The following ADD3 variants were observed in gnomAD, a reference collection of about 807,000 sequenced individuals.
ADD3 encodes adducin 3, also known as gamma-adducin.
Under a neutral mutation model 80.2 loss-of-function variants are expected in ADD3, and 25 were observed. The observed-to-expected ratio is 0.31, with a 90% CI of 0.23 to 0.44. The LOEUF (loss-of-function observed/expected upper bound fraction) is 0.44, where lower values mean the gene tolerates loss of function less well. Among genes scored for constraint, ADD3 ranks in the 20% least tolerant of loss-of-function variants. The probability of loss-of-function intolerance (pLI) is 1.00; values close to 1 mark genes in which losing one functional copy is unlikely to be tolerated. For synonymous variants in ADD3, 284 were observed against 289.6 expected (o/e 0.98, Z 0.20); for missense variants, 829 against 847.5 (o/e 0.98, Z 0.27).
chr10:110,114,106 G>A (rs2134067928), intron 3 of ADD3, among the ~76,000 whole-genome samples: 1 of 152,324 alleles, frequency 6.6e-6, no homozygotes, highest in Admixed American at 6.5e-5. Flanking sequence ...ACCTGGGCCT[G>A]CTGGCTGGAA....
At chr10:110,102,253 T>C (rs1848899751) in intron 2 of ADD3, among the ~76,000 whole-genome samples, 1 of 145,396 alleles carries the variant, frequency 6.9e-6, no homozygotes, top group Non-Finnish European at 1.5e-5. Flanking sequence ...AAGAGCACAT[T>C]AATTATTTAG....
chr10:110,042,458 C>T (rs1856478017), intron 1 of ADD3, among the ~76,000 whole-genome samples: 1 of 152,010 alleles, frequency 6.6e-6, no homozygotes, highest in African/African-American at 2.4e-5. Flanking sequence ...TTAGAGGTGT[C>T]TGGAAGTGTA....
intron 8 of ADD3, among the ~76,000 whole-genome samples, chr10:110,121,461 CA>C (rs1349147179): frequency 2.6e-5 from 4 of 151,804 alleles, no homozygotes; most frequent in Non-Finnish European, 5.9e-5. Flanking sequence ...CCAGCCTGGG[CA>C]ACAAGAGTGA....
chr10:110,033,805 T>A (rs576901111), intron 1 of ADD3, among the ~76,000 whole-genome samples: 1 of 152,322 alleles, frequency 6.6e-6, no homozygotes, highest in South Asian at 2.1e-4. Context: ...ATTTTGAATC[T>A]CTGGGACCGT....
At chr10:110,017,404 C>G (rs1853133672) in intron 1 of ADD3, among the ~76,000 whole-genome samples, 1 of 152,114 alleles carries the variant, frequency 6.6e-6, no homozygotes, top group African/African-American at 2.4e-5. Flanking sequence ...TTGATTTTGT[C>G]TATGTTAACT....
At chr10:110,113,019 A>C in intron 3 of ADD3, 104 bp downstream of exon 3, 3 of 1,191,820 alleles carry the variant, frequency 2.5e-6, no homozygotes, top group Admixed American at 2.2e-5. Flanking sequence ...CCTTAAGTTT[A>C]TAACATCTAA....
chr10:110,109,931 G>T (rs765907192), intron 2 of ADD3, among the ~76,000 whole-genome samples: 1 of 152,122 alleles, frequency 6.6e-6, no homozygotes, highest in African/African-American at 2.4e-5. Context: ...GTATATCTTT[G>T]TAGAGGATAT....
At chr10:110,120,402 A>G (rs112430243) in intron 8 of ADD3, among the ~76,000 whole-genome samples, 19,713 of 150,834 alleles carry the variant, frequency 0.13, 4,149 homozygotes, top group African/African-American at 0.45. Context: ...AAGGACATGA[A>G]CTCATCATTT....
intron 1 of ADD3, among the ~76,000 whole-genome samples, chr10:109,999,289 T>C (rs1851438227): frequency 6.6e-6 from 1 of 152,220 alleles, no homozygotes; most frequent in Non-Finnish European, 1.5e-5. Flanking sequence ...GAGACCTAGG[T>C]TGTGCATTCA....
chr10:110,044,482 C>A (rs55654350), intron 1 of ADD3, among the ~76,000 whole-genome samples: 1,614 of 152,292 alleles, frequency 0.011, 32 homozygotes, highest in African/African-American at 0.038. Flanking sequence ...CAAAATCAGA[C>A]AAGCACTTCA....
intron 1 of ADD3, among the ~76,000 whole-genome samples, chr10:110,042,345 A>G (rs77156108): frequency 0.016 from 2,370 of 152,242 alleles, 67 homozygotes; most frequent in African/African-American, 0.054. Flanking sequence ...AGTGGTAGTA[A>G]GGCAGCCAGG....
chr10:110,006,013 CGCCGCT>C, upstream of ADD3: 3 of 243,044 alleles, frequency 1.2e-5, no homozygotes, highest in Non-Finnish European at 2.5e-5. Context: ...CTGCCGCCGC[CGCCGCT>C]GCTGCTGCTG....
At chr10:110,044,048 C>G (rs921625767) in intron 1 of ADD3, among the ~76,000 whole-genome samples, 4 of 152,000 alleles carry the variant, frequency 2.6e-5, no homozygotes, top group Non-Finnish European at 5.9e-5. Context: ...CTCTAAAATA[C>G]AAAAATTATG....
rs772732362 is a variant in ADD3 at position 110,122,277 on chromosome 10, G to A, written c.1128G>A (p.Arg376=). Residue 376 remains arginine, a synonymous_variant, in exon 9 of 15, where the codon AGG becomes AGA. Transcript: ENST00000356080. ...VGEIEFEGLM[R]TLDNLGYRTG... ...AAATTGAGTTTGAAGGGCTTATGAGGACTCTGGACAACTTGGTAGGTTGCA... is the reference window on the plus strand; with the variant it reads ...AAATTGAGTTTGAAGGGCTTATGAGAACTCTGGACAACTTGGTAGGTTGCA... The A allele has an allele frequency of 1.1e-5, 18 of 1,613,642 alleles. No homozygotes were observed. The East Asian group carries it at 2.7e-4, about 24-fold the overall frequency.
chr10:110,084,721 C>T (rs950195397), intron 1 of ADD3, among the ~76,000 whole-genome samples: 4 of 152,164 alleles, frequency 2.6e-5, no homozygotes, highest in African/African-American at 9.7e-5. Flanking sequence ...TTTTGGCTCT[C>T]ATTAGGTAAT....
Position 110,059,299 on chromosome 10 carries a change from C to T in ADD3, c.-29-41326C>T, listed in dbSNP as rs189199712. On this transcript the variant is annotated intron_variant, in intron 1 of 14. Transcript: ENST00000356080. The stretch of plus-strand genomic sequence containing the variant: ...CCTGCCTGGCCAAAATGGTGAAGTC[C>T]TGTCTAAACTAAAAATACAAAAATT... 2.1e-3 allele frequency among the ~76,000 whole-genome samples: 323 copies of T among 152,224 alleles called. 2 individuals carry two copies. The highest frequency in any genetic ancestry group is 0.01 in the Middle Eastern group (3 of 294).
chr10:110,123,879 G>C, intron 9 of ADD3, 138 bp from the exon 10 acceptor site: 1 of 817,810 alleles, frequency 1.2e-6, no homozygotes, highest in Admixed American at 2.6e-5. Context: ...AAAGTTATGT[G>C]GTGTTTGGAA....
intron 1 of ADD3, among the ~76,000 whole-genome samples, chr10:110,050,311 A>C (rs1406265941): frequency 6.6e-6 from 1 of 152,072 alleles, no homozygotes; most frequent in Non-Finnish European, 1.5e-5. Flanking sequence ...GAGATATTTG[A>C]ATCATGGGGG....
chr10:110,133,663 C>T lies in ADD3; in HGVS notation c.*45C>T. ...ATTATTATAACAATGTGACATTGCACATCTAAATACCACATTTAAGTTGAT... is the reference window on the plus strand; with the variant it reads ...ATTATTATAACAATGTGACATTGCATATCTAAATACCACATTTAAGTTGAT... On this transcript the variant is annotated 3_prime_UTR_variant, in exon 15 of 15. Transcript: ENST00000356080. The T allele has an allele frequency of 7.0e-7, 1 of 1,419,092 alleles. No homozygotes were observed. Among genetic ancestry groups the T allele is most frequent in the Non-Finnish European group, 9.4e-7 (1 of 1,058,690 alleles). 87.9% of individuals were successfully genotyped at this position (1,419,092 alleles called of 1,614,324 possible). A position where few individuals can be genotyped will look rare whatever the true frequency, so the allele number is the denominator to read the frequency against.
Sources: gnomAD v4.1 joint callset for allele counts (sites outside exome capture counted in the v4.1 genomes callset) on GRCh38, gnomAD v4.1.1 for gene constraint, MANE v1.5 for transcripts, NCBI Gene and HGNC (gene_info 2026-07-23, HGNC 2026-07-21) for gene names.